The following KNSTRN variants were observed in gnomAD, a reference collection of about 807,000 sequenced individuals.
KNSTRN encodes the protein kinetochore localized astrin (SPAG5) binding protein.
Under a neutral mutation model 44.7 loss-of-function variants are expected in KNSTRN, and 38 were observed. The observed-to-expected ratio is 0.85, with a 90% CI of 0.66 to 1.11. The LOEUF is 1.11. KNSTRN is among the 50% of genes most tolerant of loss of function. KNSTRN has a pLI of 0.00. For synonymous variants in KNSTRN, 158 were observed against 148.1 expected (o/e 1.07, Z -0.48); for missense variants, 406 against 375.8 (o/e 1.08, Z -0.66).
intron 3 of KNSTRN, chr15:40,386,756 C>T: frequency 1.9e-6 from 1 of 521,624 alleles, no homozygotes; most frequent in South Asian, 2.3e-5. Context: ...GCACTGTAGT[C>T]ATACAGCAAC....
intron 2 of KNSTRN, 143 bp from the exon 3 acceptor site, chr15:40,386,219 T>G: frequency 1.1e-6 from 1 of 877,014 alleles, no homozygotes; most frequent in Non-Finnish European, 1.6e-6. Flanking sequence ...AGAGCAAGAC[T>G]CTGTCTCAAA....
chr15:40,386,583 A>C (rs1349010099), intron 3 of KNSTRN, 89 bp downstream of exon 3: 1 of 1,399,110 alleles, frequency 7.1e-7, no homozygotes, highest in Non-Finnish European at 9.8e-7. Context: ...TGGACAACAC[A>C]AGTCTCCTGA....
Position 40,389,629 on chromosome 15 carries a change from G to T in KNSTRN, c.591+18G>T. ...AAACTCAGGTAAGAGACCCACCAGA[G>T]CTCTGTTACCAGCTGCCACTGGGCG... is the stretch of plus-strand genomic sequence containing the variant. On this transcript the variant is annotated intron_variant, in intron 5 of 8. Transcript: ENST00000249776. 3.2e-6 allele frequency: 5 copies of T among 1,573,894 alleles called. No individual in the cohort carries two copies. Among genetic ancestry groups the T allele is most frequent in the Non-Finnish European group, 3.5e-6 (4 of 1,143,604 alleles).
At position 40,382,780 on chromosome 15, in the gene KNSTRN, C is replaced by A; in HGVS notation, c.-56C>A. On this transcript the variant is annotated 5_prime_UTR_variant, in exon 1 of 9. Coordinates refer to ENST00000249776, the MANE Select transcript of KNSTRN (RefSeq NM_033286.4). ...CTCCTCCTCTGCCCAGACCTGGGGGCTCCAACACCTTTCGCTAGGTCTGGC... is the reference window on the plus strand; with the variant it reads ...CTCCTCCTCTGCCCAGACCTGGGGGATCCAACACCTTTCGCTAGGTCTGGC... 2.7e-6 allele frequency: 4 copies of A among 1,507,564 alleles called. No homozygotes were observed. The highest frequency in any genetic ancestry group is 2.7e-6 in the Non-Finnish European group (3 of 1,103,670). 93.4% of individuals were successfully genotyped at this position (1,507,564 alleles called of 1,614,324 possible). A position where few individuals can be genotyped will look rare whatever the true frequency, so the allele number is the denominator to read the frequency against.
At chr15:40,387,939 C>G (rs1440786827) in intron 4 of KNSTRN, among the ~76,000 whole-genome samples, 1 of 152,106 alleles carries the variant, frequency 6.6e-6, no homozygotes, top group Non-Finnish European at 1.5e-5. Flanking sequence ...TCCCGGGAGG[C>G]AGAGATTGCA....
intron 8 of KNSTRN, 96 bp downstream of exon 8, chr15:40,392,119 C>T: frequency 2.7e-6 from 2 of 742,804 alleles, no homozygotes; most frequent in Non-Finnish European, 4.1e-6. Flanking sequence ...AATAAACTTT[C>T]TAAATAATTT....
intron 3 of KNSTRN, 97 bp downstream of exon 3, chr15:40,386,591 T>C: frequency 4.5e-6 from 6 of 1,320,370 alleles, no homozygotes; most frequent in Non-Finnish European, 6.3e-6. Flanking sequence ...ACAAGTCTCC[T>C]GAACAACTGG....
chr15:40,383,186 C>T (rs375505904), intron 1 of KNSTRN, 42 bp from the exon 2 acceptor site: 55 of 1,597,058 alleles, frequency 3.4e-5, no homozygotes, highest in Non-Finnish European at 4.5e-5. Context: ...CTCTCGGGCC[C>T]AGTGGCCCAG....
rs917683022 is a variant in KNSTRN, at chr15:40,393,356, G to A, written c.823-113G>A. 24 of 1,593,502 alleles carry A rather than the reference G, an allele frequency of 1.5e-5. No individual in the cohort carries two copies. In the African/African-American group the frequency reaches 2.7e-4, roughly 18 times the overall value. ...GAAGATACAGTCTGTTGATACTCCA[G>A]TGGTCTTCCTTAGTGGAATAGGAGC... is the stretch of plus-strand genomic sequence containing the variant. On this transcript the variant is annotated intron_variant, in intron 8 of 8. Transcript: ENST00000249776.
chr15:40,391,671 G>C lies in KNSTRN; in HGVS notation c.747+117G>C. The stretch of plus-strand genomic sequence containing the variant: ...CAAGAAACAGCCTTTGATTATCTGT[G>C]ATGCTAGAAAAGAGAAATGGGATGT... On this transcript the variant is annotated intron_variant, in intron 7 of 8. Coordinates refer to ENST00000249776, the MANE Select transcript of KNSTRN (RefSeq NM_033286.4). 4 of 870,098 alleles carry C rather than the reference G, an allele frequency of 4.6e-6. No homozygotes were observed. The South Asian group carries it at 6.3e-5, about 14-fold the overall frequency. 53.9% of individuals were successfully genotyped at this position (870,098 alleles called of 1,614,324 possible).
intron 1 of KNSTRN, 62 bp from the exon 2 acceptor site, chr15:40,383,166 G>GCCCT: frequency 6.3e-7 from 1 of 1,583,278 alleles, no homozygotes; most frequent in Non-Finnish European, 8.7e-7. Context: ...CTATCCCCGG[G>GCCCT]CCCTCCACTC....
At chr15:40,390,355 A>G (rs1202265936) in intron 6 of KNSTRN, among the ~76,000 whole-genome samples, 1 of 152,264 alleles carries the variant, frequency 6.6e-6, no homozygotes, top group Non-Finnish European at 1.5e-5. Flanking sequence ...AGAGAAAGAA[A>G]ATACTATTTC....
chr15:40,383,698 A>G (rs1411077016), intron 2 of KNSTRN, among the ~76,000 whole-genome samples: 1 of 152,174 alleles, frequency 6.6e-6, no homozygotes, highest in African/African-American at 2.4e-5. Context: ...GAGGAGAATC[A>G]TTTGAGAAGT....
At chr15:40,385,597 A>G (rs1454579957) in intron 2 of KNSTRN, among the ~76,000 whole-genome samples, 1 of 152,182 alleles carries the variant, frequency 6.6e-6, no homozygotes, top group East Asian at 1.9e-4. Context: ...GGTGATGGGG[A>G]CACAAAGATG....
At chr15:40,391,927 C>T (rs979447453) in intron 7 of KNSTRN, 22 bp from the exon 8 acceptor site, 3 of 1,591,226 alleles carry the variant, frequency 1.9e-6, no homozygotes, top group Non-Finnish European at 2.6e-6. Flanking sequence ...GATTTGTTTA[C>T]TACATTGTGC....
At chr15:40,388,274 G>A (rs141039835) in intron 4 of KNSTRN, among the ~76,000 whole-genome samples, 71 of 152,324 alleles carry the variant, frequency 4.7e-4, no homozygotes, top group African/African-American at 1.6e-3. Flanking sequence ...TGTTTCTATA[G>A]ATAGTAAATT....
rs115276140 is a variant in KNSTRN, at chr15:40,386,998, G to C, written c.438-161G>C. 6.6e-5 allele frequency: 43 copies of C among 651,428 alleles called. No homozygotes were observed. The South Asian group carries it at 7.1e-4, about 11-fold the overall frequency. The allele number at this position is 651,428 out of a possible 1,614,324, so 40.4% of individuals were successfully genotyped here. A position where few individuals can be genotyped will look rare whatever the true frequency, so the allele number is the denominator to read the frequency against. On this transcript the variant is annotated intron_variant, in intron 3 of 8. Coordinates refer to ENST00000249776, the MANE Select transcript of KNSTRN (RefSeq NM_033286.4). ...AAAAGCCTTTTCAATAATCTGTGCC[G>C]AAGCAGTAATGCATAGTCTCTCAGA...
At chr15:40,392,087 T>C in intron 8 of KNSTRN, 64 bp downstream of exon 8, 1 of 945,470 alleles carries the variant, frequency 1.1e-6, no homozygotes, top group Non-Finnish European at 1.6e-6. Flanking sequence ...GTGGGGTCTT[T>C]TCTGTTTTTC....
At position 40,393,034 on chromosome 15, in the gene KNSTRN, T is replaced by C. The variant is rs114115926; in HGVS notation, c.823-435T>C. Reference sequence around the variant, plus strand: ...TTTTTTTTCTGTTACCGAGGCTTCTTGCAAATGTTCACATCACCAAGGCAT... The same window carrying C: ...TTTTTTTTCTGTTACCGAGGCTTCTCGCAAATGTTCACATCACCAAGGCAT... On this transcript the variant is annotated intron_variant, in intron 8 of 8. Coordinates refer to ENST00000249776, the MANE Select transcript of KNSTRN (RefSeq NM_033286.4). 3.7e-3 allele frequency among the ~76,000 whole-genome samples: 569 copies of C among 152,238 alleles called. 2 individuals carry two copies. The highest frequency in any genetic ancestry group is 0.013 in the African/African-American group (547 of 41,530).
Sources: gnomAD v4.1 joint callset for allele counts (sites outside exome capture counted in the v4.1 genomes callset) on GRCh38, gnomAD v4.1.1 for gene constraint, MANE v1.5 for transcripts, NCBI Gene and HGNC (gene_info 2026-07-23, HGNC 2026-07-21) for gene names.